Variants in TTLL9 observed in about 807,000 individuals in gnomAD.
TTLL9 encodes tubulin tyrosine ligase like 9.
In TTLL9, 47 loss-of-function variants were observed where a neutral mutation model predicts 65.6. The observed-to-expected ratio is 0.72, with a 90% CI of 0.57 to 0.91. The LOEUF (loss-of-function observed/expected upper bound fraction) is 0.91. TTLL9 is among the 40% of genes least tolerant of loss of function. The pLI is 0.00. For synonymous variants in TTLL9, 179 were observed against 204.8 expected, an observed-to-expected ratio of 0.87 and a Z score of 1.07; for missense variants, 537 against 568.8, an observed-to-expected ratio of 0.94 and a Z score of 0.57.
In TTLL9 at chr20:31,926,078, G is replaced by T; in HGVS notation, c.735G>T (p.Gly245=). The T allele has an allele frequency of 1.2e-6, 2 of 1,608,490 alleles. No individual in the cohort carries two copies. Among genetic ancestry groups the T allele is most frequent in the Admixed American group, 3.3e-5 (2 of 59,996 alleles). Residue 245 remains glycine (G), a synonymous_variant, in exon 10 of 15, where the codon GGG becomes GGT. Transcript: ENST00000535842. Reference sequence around the variant, plus strand: ...TTGCTGAATGCCTGCTGTGGTCTGGGCACAGGAGACAGGGTATGAGATAGG... The same window carrying T: ...TTGCTGAATGCCTGCTGTGGTCTGGTCACAGGAGACAGGGTATGAGATAGG... ...SVFAECLLWS[G]HRRQDVHLTN...
intron 4 of TTLL9, among the ~76,000 whole-genome samples, chr20:31,902,422 C>G (rs2063492471): frequency 6.6e-6 from 1 of 152,076 alleles, no homozygotes; most frequent in Admixed American, 6.6e-5. Flanking sequence ...GCTGTGTCGC[C>G]CAGGCTGGAG....
intron 3 of TTLL9, among the ~76,000 whole-genome samples, chr20:31,893,665 C>G (rs1366789007): frequency 6.7e-6 from 1 of 148,258 alleles, no homozygotes. Context: ...CTTTTTTCCT[C>G]AGGCTTTTTT....
At chr20:31,872,937 A>G (rs1255350738) in intron 2 of TTLL9, 1 of 496,286 alleles carries the variant, frequency 2.0e-6, no homozygotes, top group African/African-American at 1.9e-5. Context: ...TAAAAATCCA[A>G]CAGGAAAATT....
chr20:31,879,609 G>A, intron 2 of TTLL9: 1 of 481,890 alleles, frequency 2.1e-6, no homozygotes, highest in South Asian at 3.2e-5. Flanking sequence ...TGGGGCAGAG[G>A]GAGCCAGCCT....
intron 6 of TTLL9, 27 bp downstream of exon 6, chr20:31,909,949 T>A: frequency 2.4e-6 from 2 of 831,456 alleles, no homozygotes; most frequent in Non-Finnish European, 3.9e-6. Context: ...AGGGGCTGGG[T>A]GGGAGGGAAT....
intron 3 of TTLL9, among the ~76,000 whole-genome samples, chr20:31,895,766 C>T (rs939092831): frequency 1.3e-5 from 2 of 151,560 alleles, no homozygotes; most frequent in African/African-American, 4.9e-5. Context: ...GCAGCCATGC[C>T]AACCCATTTC....
At chr20:31,887,286 C>G (rs1236223695) in intron 3 of TTLL9, 47 bp downstream of exon 3, 1 of 1,587,366 alleles carries the variant, frequency 6.3e-7, no homozygotes. Context: ...ACCAACTTCT[C>G]TCCCTCCCTC....
In TTLL9 at chr20:31,871,656, G is replaced by A. The variant is rs536997437; in HGVS notation, c.69+461G>A. On this transcript the variant is annotated intron_variant, in intron 2 of 14. Coordinates refer to ENST00000535842, the MANE Select transcript of TTLL9 (RefSeq NM_001008409.5). ...TCCCTCAAGTTCATAGCATACATGG[G>A]GCTGCCCGTCTCAGCTCTCATAAAA... 3.9e-5 allele frequency among the ~76,000 whole-genome samples: 6 copies of A among 152,108 alleles called. 1 individual carries two copies. In the East Asian group the frequency reaches 1.2e-3, roughly 29 times the overall value.
At chr20:31,884,989 G>A (rs1203977744) in intron 2 of TTLL9, among the ~76,000 whole-genome samples, 1 of 151,998 alleles carries the variant, frequency 6.6e-6, no homozygotes, top group Non-Finnish European at 1.5e-5. Context: ...AAATACCTAT[G>A]AATGAATTTA....
Position 31,919,870 on chromosome 20 carries a change from C to T in TTLL9, c.511C>T (p.Arg171Trp), listed in dbSNP as rs775374800. 2.0e-5 allele frequency: 32 copies of T among 1,589,366 alleles called. No homozygotes were observed. In the Middle Eastern group the frequency reaches 5.0e-4, roughly 25 times the overall value. Residue 171 changes from arginine to tryptophan, a missense_variant, in exon 7 of 15, where the codon CGG (arginine) becomes TGG (tryptophan). Transcript: ENST00000535842. ...TGCCCCCATCCCACCCCAGGTAGCC[C>T]GGTCTCAAGGGAAAGGCATCTTCCT... ...GITWIMKPVA[R>W]SQGKGIFLFR...
chr20:31,881,094 C>T (rs2063112510), intron 2 of TTLL9, among the ~76,000 whole-genome samples: 1 of 151,892 alleles, frequency 6.6e-6, no homozygotes. Context: ...GAACTCTTGG[C>T]CTCAAACCCA....
intron 3 of TTLL9, among the ~76,000 whole-genome samples, chr20:31,888,136 G>A (rs934052158): frequency 3.9e-5 from 6 of 151,976 alleles, no homozygotes; most frequent in Admixed American, 6.6e-5. Context: ...TGCCTGCCTC[G>A]GCCTCCCAAA....
At chr20:31,882,165 C>T (rs191700971) in intron 2 of TTLL9, among the ~76,000 whole-genome samples, 10 of 152,196 alleles carry the variant, frequency 6.6e-5, no homozygotes, top group African/African-American at 1.7e-4. Flanking sequence ...GTCAGAATAC[C>T]GCGTGTTCCA....
rs756857311 is a variant in TTLL9 at position 31,933,875 on chromosome 20, C to T, written c.807+17C>T. 5.6e-6 allele frequency: 9 copies of T among 1,611,584 alleles called. No individual in the cohort carries two copies. Among genetic ancestry groups the T allele is most frequent in the Non-Finnish European group, 7.6e-6 (9 of 1,178,834 alleles). ...CCAAAGAAGGTGAGGAAGCCGGGCT[C>T]GGCTATGCACGGGTACAGCCCTCTG... On this transcript the variant is annotated intron_variant, in intron 11 of 14. Transcript: ENST00000535842.
rs1219872492 is a variant in TTLL9, at chr20:31,898,410, C to G, written c.114-63C>G. On this transcript the variant is annotated intron_variant, in intron 3 of 14. Transcript: ENST00000535842. ...TGACTTCTCTTCCTCCTTTTTTCCT[C>G]TCCTTGCGCCATCCTAGGAAAATCA... The G allele has an allele frequency of 1.7e-5, 25 of 1,448,952 alleles. No individual in the cohort carries two copies. In the Admixed American group the frequency reaches 4.5e-4, roughly 26 times the overall value. The allele number at this position is 1,448,952 out of a possible 1,614,324, so 89.8% of individuals were successfully genotyped here.
chr20:31,938,616 G>A (rs1181274384), intron 13 of TTLL9, among the ~76,000 whole-genome samples: 1 of 152,184 alleles, frequency 6.6e-6, no homozygotes, highest in African/African-American at 2.4e-5. Context: ...GGTGGCTCAC[G>A]CCTGTAATCC....
chr20:31,889,942 G>A (rs1288510383), intron 3 of TTLL9, among the ~76,000 whole-genome samples: 1 of 151,972 alleles, frequency 6.6e-6, no homozygotes, highest in African/African-American at 2.4e-5. Flanking sequence ...ACAGGAAGAA[G>A]AGGGGAGGGA....
intron 3 of TTLL9, 80 bp downstream of exon 3, chr20:31,887,319 T>C: frequency 3.5e-6 from 5 of 1,425,282 alleles, no homozygotes; most frequent in South Asian, 3.5e-5. Flanking sequence ...CCTCTCTCCC[T>C]TTTCTACTTC....
rs34362219 is a variant in TTLL9 at position 31,874,409 on chromosome 20, CT to C, written c.69+3234del. On this transcript the variant is annotated intron_variant, in intron 2 of 14. Transcript: ENST00000535842. The stretch of plus-strand genomic sequence containing the variant: ...GAATTAAAGTTGCTAATTAGCTGAT[CT>C]TTTTTTTTTTTTTTTTTTTGAGACA... Among the ~76,000 whole-genome samples the C allele has an allele frequency of 5.1e-3, 632 of 123,026 alleles. 5 individuals are homozygous for C. Among genetic ancestry groups the C allele is most frequent in the East Asian group, 0.03 (132 of 4,404 alleles). The allele number at this position is 123,026 out of a possible 152,430, so 80.7% of individuals were successfully genotyped here.
Sources: gnomAD v4.1 joint callset for allele counts (sites outside exome capture counted in the v4.1 genomes callset) on GRCh38, gnomAD v4.1.1 for gene constraint, MANE v1.5 for transcripts, NCBI Gene and HGNC (gene_info 2026-07-23, HGNC 2026-07-21) for gene names.